KCNIP4: variants seen among roughly 807,000 people sequenced by gnomAD.
KCNIP4 encodes the protein potassium voltage-gated channel interacting protein 4, also known as Kv channel-interacting protein 4.
A neutral mutation model predicts 34.0 loss-of-function variants in KCNIP4; 12 were observed. The ratio of observed to expected loss-of-function variants is 0.35; its 90% CI spans 0.23 to 0.57. The LOEUF (loss-of-function observed/expected upper bound fraction) is 0.57. Ranked by LOEUF, KCNIP4 falls within the 20% of genes least tolerant of loss-of-function variation. The probability of loss-of-function intolerance (pLI) is 0.83; values close to 1 mark genes in which losing one functional copy is unlikely to be tolerated. For synonymous variants in KCNIP4, 124 were observed against 102.2 expected (o/e 1.21, Z -1.29); for missense variants, 238 against 311.7 (o/e 0.76, Z 1.78).
intron 1 of KCNIP4, among the ~76,000 whole-genome samples, chr4:21,147,731 G>T (rs1478512483): frequency 6.6e-6 from 1 of 151,746 alleles, no homozygotes; most frequent in Admixed American, 6.6e-5. Context: ...TTTAGGTTAG[G>T]AGTTCGAGAC....
At chr4:20,866,780 G>C (rs971134769) in intron 2 of KCNIP4, among the ~76,000 whole-genome samples, 10 of 151,920 alleles carry the variant, frequency 6.6e-5, no homozygotes, top group Non-Finnish European at 1.3e-4. Flanking sequence ...TTCAAAGGGT[G>C]ACTAGAATTG....
chr4:21,493,496 G>T (rs1017252732), intron 1 of KCNIP4, among the ~76,000 whole-genome samples: 3 of 152,156 alleles, frequency 2.0e-5, no homozygotes, highest in Non-Finnish European at 2.9e-5. Context: ...ATGCTTACAT[G>T]CATTTGTACC....
At chr4:20,735,537 T>A (rs935658676) in intron 5 of KCNIP4, among the ~76,000 whole-genome samples, 1 of 146,758 alleles carries the variant, frequency 6.8e-6, no homozygotes, top group African/African-American at 2.5e-5. Context: ...TTTGTTTTTT[T>A]TTTTTTTTTT....
chr4:21,404,329 G>T (rs1388192739), intron 1 of KCNIP4, among the ~76,000 whole-genome samples: 1 of 152,036 alleles, frequency 6.6e-6, no homozygotes, highest in African/African-American at 2.4e-5. Flanking sequence ...TTGTTAGCAG[G>T]AATTTATTTT....
chr4:21,069,708 A>C (rs747474278), intron 1 of KCNIP4, among the ~76,000 whole-genome samples: 1 of 152,196 alleles, frequency 6.6e-6, no homozygotes, highest in Non-Finnish European at 1.5e-5. Flanking sequence ...AGAAATTTGG[A>C]TGTAGAGCAA....
chr4:21,012,680 C>T (rs995336675), intron 1 of KCNIP4, among the ~76,000 whole-genome samples: 1 of 152,128 alleles, frequency 6.6e-6, no homozygotes, highest in Non-Finnish European at 1.5e-5. Flanking sequence ...AAATGTTCAA[C>T]CAGGATCTGG....
chr4:21,649,836 A>G (rs1407464878), intron 1 of KCNIP4, among the ~76,000 whole-genome samples: 1 of 152,214 alleles, frequency 6.6e-6, no homozygotes, highest in Non-Finnish European at 1.5e-5. Flanking sequence ...GTCCATCCAT[A>G]AAGGGAAACA....
At chr4:20,965,592 G>A (rs1403265309) in intron 1 of KCNIP4, among the ~76,000 whole-genome samples, 1 of 152,188 alleles carries the variant, frequency 6.6e-6, no homozygotes, top group African/African-American at 2.4e-5. Context: ...TCTCTCTGGA[G>A]TGTGGAGAAT....
intron 1 of KCNIP4, among the ~76,000 whole-genome samples, chr4:20,946,733 C>A (rs1015073443): frequency 1.3e-5 from 2 of 152,032 alleles, no homozygotes; most frequent in Admixed American, 6.5e-5. Context: ...ATGGACTAAC[C>A]TTCTTATGAA....
chr4:21,648,563 C>A (rs1747215498), intron 1 of KCNIP4, among the ~76,000 whole-genome samples: 1 of 152,126 alleles, frequency 6.6e-6, no homozygotes, highest in African/African-American at 2.4e-5. Flanking sequence ...CAGTCTCAAG[C>A]TCTAAATCAT....
intron 1 of KCNIP4, among the ~76,000 whole-genome samples, chr4:21,728,883 A>G (rs1715391060): frequency 6.6e-6 from 1 of 152,114 alleles, no homozygotes; most frequent in Admixed American, 6.6e-5. Context: ...TATTAAAAAT[A>G]AATTTCCTCA....
At chr4:21,252,714 G>T (rs375874530) in intron 1 of KCNIP4, among the ~76,000 whole-genome samples, 1 of 150,310 alleles carries the variant, frequency 6.7e-6, no homozygotes, top group Non-Finnish European at 1.5e-5. Flanking sequence ...GAGGTTGATG[G>T]TACTAAATTA....
intron 1 of KCNIP4, among the ~76,000 whole-genome samples, chr4:21,005,678 T>G (rs923726713): frequency 4.6e-5 from 7 of 152,130 alleles, no homozygotes; most frequent in African/African-American, 1.4e-4. Flanking sequence ...ATAAATATGG[T>G]TTGGCACAAC....
At chr4:21,006,155 G>C (rs1738538890) in intron 1 of KCNIP4, among the ~76,000 whole-genome samples, 1 of 152,184 alleles carries the variant, frequency 6.6e-6, no homozygotes, top group African/African-American at 2.4e-5. Context: ...TCTTTGCTAT[G>C]TAGATGAAGG....
intron 1 of KCNIP4, among the ~76,000 whole-genome samples, chr4:21,049,440 C>A (rs953854880): frequency 4.6e-5 from 7 of 152,106 alleles, no homozygotes; most frequent in East Asian, 1.9e-4. Flanking sequence ...TGATGACTGA[C>A]CCTTGCATGT....
chr4:21,023,745 G>T (rs1740278483), intron 1 of KCNIP4, among the ~76,000 whole-genome samples: 1 of 152,076 alleles, frequency 6.6e-6, no homozygotes, highest in Non-Finnish European at 1.5e-5. Context: ...AACCAGGCAT[G>T]GTGGTGCACG....
chr4:21,625,428 G>C (rs1447477494), intron 1 of KCNIP4, among the ~76,000 whole-genome samples: 1 of 152,124 alleles, frequency 6.6e-6, no homozygotes, highest in Non-Finnish European at 1.5e-5. Flanking sequence ...TAATTGGGGA[G>C]TAGAGGAAGC....
At chr4:20,972,890 G>T (rs1577464288) in intron 1 of KCNIP4, among the ~76,000 whole-genome samples, 1 of 152,316 alleles carries the variant, frequency 6.6e-6, no homozygotes, top group South Asian at 2.1e-4. Flanking sequence ...AGAATTAGAA[G>T]TGGAGCCTGA....
intron 1 of KCNIP4, among the ~76,000 whole-genome samples, chr4:21,323,733 A>G (rs1359600210): frequency 6.6e-6 from 1 of 152,088 alleles, no homozygotes; most frequent in African/African-American, 2.4e-5. Flanking sequence ...ATGGGAGCGC[A>G]GATATCTCTT....
Sources: gnomAD v4.1 joint callset for allele counts (sites outside exome capture counted in the v4.1 genomes callset) on GRCh38, gnomAD v4.1.1 for gene constraint, MANE v1.5 for transcripts, NCBI Gene and HGNC (gene_info 2026-07-23, HGNC 2026-07-21) for gene names.